NAXD: variants seen among roughly 807,000 people sequenced by gnomAD.
NAXD encodes NAD(P)HX dehydratase.
In NAXD, 22 loss-of-function variants were observed where a neutral mutation model predicts 35.8. The ratio of observed to expected loss-of-function variants is 0.62; its 90% CI spans 0.44 to 0.88. The LOEUF (loss-of-function observed/expected upper bound fraction) is 0.88, where lower values mean the gene tolerates loss of function less well. NAXD is among the 40% of genes least tolerant of loss of function. The pLI is 0.00. For synonymous variants in NAXD, 189 were observed against 177.6 expected (o/e 1.06, Z -0.51); for missense variants, 428 against 437.7 (o/e 0.98, Z 0.20).
intron 4 of NAXD, among the ~76,000 whole-genome samples, 182 bp downstream of exon 4, chr13:110,625,460 C>T (rs866885135): frequency 3.9e-5 from 6 of 152,206 alleles, no homozygotes; most frequent in Admixed American, 3.3e-4. Flanking sequence ...AAGACAGAGA[C>T]GGCGGGGTGG....
chr13:110,619,569 A>G (rs531106807), intron 1 of NAXD, among the ~76,000 whole-genome samples: 4 of 152,194 alleles, frequency 2.6e-5, no homozygotes, highest in Non-Finnish European at 5.9e-5. Flanking sequence ...AAGTACTGGT[A>G]TATTTAAAGG....
chr13:110,623,634 C>G (rs1185797869), intron 2 of NAXD, among the ~76,000 whole-genome samples: 1 of 152,254 alleles, frequency 6.6e-6, no homozygotes, highest in Non-Finnish European at 1.5e-5. Context: ...CTTGAACATT[C>G]ACATTGCAGG....
At chr13:110,619,178 G>C (rs1298726199) in intron 1 of NAXD, among the ~76,000 whole-genome samples, 4 of 152,204 alleles carry the variant, frequency 2.6e-5, no homozygotes, top group Non-Finnish European at 4.4e-5. Context: ...CAAATGGGTA[G>C]TTCAGTGTGG....
intron 1 of NAXD, among the ~76,000 whole-genome samples, chr13:110,621,157 G>A (rs389541): frequency 0.19 from 28,784 of 152,120 alleles, 3,226 homozygotes; most frequent in African/African-American, 0.31. Context: ...ACCCAGTTGA[G>A]TGTTGGAATA....
At chr13:110,623,309 G>A (rs1376057319) in intron 2 of NAXD, among the ~76,000 whole-genome samples, 3 of 152,194 alleles carry the variant, frequency 2.0e-5, no homozygotes, top group Non-Finnish European at 4.4e-5. Context: ...TCTTGGGTTA[G>A]CAAAACATTT....
chr13:110,618,590 A>T (rs1886145294), intron 1 of NAXD, among the ~76,000 whole-genome samples: 1 of 152,156 alleles, frequency 6.6e-6, no homozygotes, highest in Admixed American at 6.5e-5. Flanking sequence ...GGTAAATGGG[A>T]CTTTAATGCT....
At position 110,625,254 on chromosome 13, in the gene NAXD, C is replaced by T. The variant is rs369951364; in HGVS notation, c.308C>T (p.Pro103Leu). The T allele has an allele frequency of 1.5e-4, 238 of 1,613,188 alleles. No individual in the cohort carries two copies. The highest frequency in any genetic ancestry group is 1.9e-4 in the Non-Finnish European group (229 of 1,179,346). Residue 103 changes from proline to leucine, a missense_variant, in exon 4 of 10, where the codon CCG (proline) becomes CTG (leucine). Pro to Leu is a moderately conservative substitution (Grantham distance 98). This residue lies in a region of NAXD where 208 missense variants were observed against 193.0 expected (regional missense o/e 1.08). Coordinates refer to ENST00000680254, the MANE Select transcript of NAXD (RefSeq NM_001242882.2). ...AAAPVIKAYS[P>L]ELIVHPVLDS... is the part of the protein sequence containing the mutation. ...GCACCTGTGATTAAGGCCTACAGCCCGGAGCTGATCGTCCACCCAGTTCTG... is the reference window on the plus strand; with the variant it reads ...GCACCTGTGATTAAGGCCTACAGCCTGGAGCTGATCGTCCACCCAGTTCTG...
chr13:110,635,413 C>T lies in NAXD; in HGVS notation c.598-55C>T, dbSNP rs1488142296. On this transcript the variant is annotated intron_variant, in intron 7 of 9. Coordinates refer to ENST00000680254, the MANE Select transcript of NAXD (RefSeq NM_001242882.2). The stretch of plus-strand genomic sequence containing the variant: ...TGGCGGATGGGACAGGGCTATCTGT[C>T]GTCGTGTGTCTGAGGAAGACTTTGC... 35 of 1,591,398 alleles carry T rather than the reference C, an allele frequency of 2.2e-5. No homozygotes were observed. In the Admixed American group the frequency reaches 4.2e-4, roughly 19 times the overall value.
In NAXD at chr13:110,639,885, C is replaced by T. The variant is rs1257842057; in HGVS notation, c.*1357C>T. On this transcript the variant is annotated 3_prime_UTR_variant, in exon 10 of 10. Transcript: ENST00000680254. ...ATTTGACGCCTAACTTCAGAAGCTTCACTGTCTACATGTGAACTTTTCCAG... is the reference window on the plus strand; with the variant it reads ...ATTTGACGCCTAACTTCAGAAGCTTTACTGTCTACATGTGAACTTTTCCAG... The T allele has an allele frequency of 6.6e-6, 1 of 152,236 alleles. No individual in the cohort carries two copies. Among genetic ancestry groups the T allele is most frequent in the East Asian group, 1.9e-4 (1 of 5,204 alleles). The allele number at this position is 152,236 out of a possible 1,614,324, so 9.4% of individuals were successfully genotyped here.
In NAXD at chr13:110,622,361, T is replaced by C; in HGVS notation, c.192T>C (p.Cys64=). The change falls in exon 2 of 10, where the codon TGT becomes TGC. Residue 64 remains cysteine, a synonymous_variant. Coordinates refer to ENST00000680254, the MANE Select transcript of NAXD (RefSeq NM_001242882.2). ...QDGRIGVVGG[C]QEYTGAPYFA... is the part of the protein sequence containing the mutation. ...GAAGAATAGGCGTAGTTGGAGGCTG[T>C]CAGGAGTAAGTAGCTGATGTGCAGT... 2 of 1,614,136 alleles carry C rather than the reference T, an allele frequency of 1.2e-6. No individual in the cohort carries two copies. The highest frequency in any genetic ancestry group is 1.7e-6 in the Non-Finnish European group (2 of 1,179,982).
chr13:110,619,939 C>T (rs1413352883), intron 1 of NAXD, among the ~76,000 whole-genome samples: 1 of 152,114 alleles, frequency 6.6e-6, no homozygotes, highest in African/African-American at 2.4e-5. Context: ...GCTGGAATTA[C>T]AGGCATGCAC....
rs541123691 is a variant in NAXD at position 110,632,135 on chromosome 13, C to G, written c.442-2410C>G. Among the ~76,000 whole-genome samples, 6 of 132,192 alleles carry G rather than the reference C, an allele frequency of 4.5e-5. No homozygotes were observed. The Admixed American group carries it at 5.2e-4, about 12-fold the overall frequency. The allele number at this position is 132,192 out of a possible 152,430, so 86.7% of individuals were successfully genotyped here. On this transcript the variant is annotated intron_variant, in intron 5 of 9. Transcript: ENST00000680254. ...GTTCCTTCTGATGTTCAGATGTGTTCGGAGTTTCTTCCTTCTGGTGGGTTC... is the reference window on the plus strand; with the variant it reads ...GTTCCTTCTGATGTTCAGATGTGTTGGGAGTTTCTTCCTTCTGGTGGGTTC...
At chr13:110,633,117 C>T (rs2139648403) in intron 5 of NAXD, among the ~76,000 whole-genome samples, 1 of 152,242 alleles carries the variant, frequency 6.6e-6, no homozygotes, top group East Asian at 1.9e-4. Context: ...CGCACAGGAG[C>T]CCATGGAGGG....
At chr13:110,632,134 T>C (rs915149464) in intron 5 of NAXD, among the ~76,000 whole-genome samples, 1 of 132,436 alleles carries the variant, frequency 7.6e-6, no homozygotes, top group Non-Finnish European at 1.6e-5. Flanking sequence ...TCAGATGTGT[T>C]CGGAGTTTCT....
intron 1 of NAXD, chr13:110,615,983 G>A: frequency 2.4e-6 from 1 of 413,828 alleles, no homozygotes; most frequent in Non-Finnish European, 4.1e-6. Context: ...GTGGCGCCGG[G>A]CCGGAGCCAG....
At chr13:110,617,651 A>G (rs1886108873) in intron 1 of NAXD, among the ~76,000 whole-genome samples, 2 of 152,224 alleles carry the variant, frequency 1.3e-5, no homozygotes, top group African/African-American at 4.8e-5. Context: ...TGAAAATGCT[A>G]TACTTCTTAT....
Position 110,634,530 on chromosome 13 carries a change from T to G in NAXD, c.442-15T>G. On this transcript the variant is annotated splice_polypyrimidine_tract_variant and intron_variant, in intron 5 of 9. Coordinates refer to ENST00000680254, the MANE Select transcript of NAXD (RefSeq NM_001242882.2). Reference sequence around the variant, plus strand: ...CAGCAGGCATGGTGCTCAGTCTGGTTTTCTCTTCTGGCAGGGCATTTTGGA... The same window carrying G: ...CAGCAGGCATGGTGCTCAGTCTGGTGTTCTCTTCTGGCAGGGCATTTTGGA... 6.2e-7 allele frequency: 1 copy of G among 1,614,054 alleles called. No individual in the cohort carries two copies. The highest frequency in any genetic ancestry group is 8.5e-7 in the Non-Finnish European group (1 of 1,179,894).
Position 110,635,518 on chromosome 13 carries a change from C to G in NAXD, c.648C>G (p.Leu216=). Reference sequence around the variant, plus strand: ...ACAGCCATGGATCTGTGCTAAGACTCAGCCAAGCCCTGGGCAACGTGACGG... The same window carrying G: ...ACAGCCATGGATCTGTGCTAAGACTGAGCCAAGCCCTGGGCAACGTGACGG... ...SDDSHGSVLR[L]SQALGNVTVV... Residue 216 remains leucine, a synonymous_variant, in exon 8 of 10, where the codon CTC becomes CTG. Coordinates refer to ENST00000680254, the MANE Select transcript of NAXD (RefSeq NM_001242882.2). 1 of 1,614,184 alleles carries G rather than the reference C, an allele frequency of 6.2e-7. No homozygotes were observed. Among genetic ancestry groups the G allele is most frequent in the Non-Finnish European group, 8.5e-7 (1 of 1,180,024 alleles).
intron 2 of NAXD, among the ~76,000 whole-genome samples, chr13:110,623,264 G>T (rs1228083515): frequency 6.6e-6 from 1 of 152,194 alleles, no homozygotes; most frequent in Admixed American, 6.5e-5. Context: ...GGCCATGTAA[G>T]GTGATGGGTA....
Sources: gnomAD v4.1 joint callset for allele counts (sites outside exome capture counted in the v4.1 genomes callset) on GRCh38, gnomAD v4.1.1 for gene constraint, gnomAD v4.1.1 regional missense constraint, MANE v1.5 for transcripts, NCBI Gene and HGNC (gene_info 2026-07-23, HGNC 2026-07-21) for gene names.